The following CFAP299 variants were observed in gnomAD, a reference collection of about 807,000 sequenced individuals.
The protein encoded by CFAP299 is cilia- and flagella-associated protein 299.
Under a neutral mutation model 27.0 loss-of-function variants are expected in CFAP299, and 21 were observed. The observed-to-expected ratio is 0.78, with a 90% CI of 0.55 to 1.12. CFAP299 has a LOEUF of 1.12. CFAP299 is among the 50% of genes most tolerant of loss of function. CFAP299 has a pLI of 0.00. For missense variants in CFAP299, 310 were observed against 276.6 expected, an observed-to-expected ratio of 1.12 and a Z score of -0.86; for synonymous variants, 104 against 98.1, an observed-to-expected ratio of 1.06 and a Z score of -0.36.
intron 4 of CFAP299, among the ~76,000 whole-genome samples, chr4:80,885,113 G>C (rs1195042408): frequency 6.6e-6 from 1 of 152,144 alleles, no homozygotes; most frequent in Admixed American, 6.5e-5. Flanking sequence ...ACACGCAGCA[G>C]ATAATAAGGA....
intron 2 of CFAP299, among the ~76,000 whole-genome samples, chr4:80,384,606 A>G (rs566389620): frequency 1.3e-5 from 2 of 152,314 alleles, no homozygotes; most frequent in East Asian, 1.9e-4. Context: ...AAAAACACCT[A>G]TTTTAATGAT....
chr4:80,958,829 G>A (rs984903663), intron 5 of CFAP299, among the ~76,000 whole-genome samples: 14 of 152,266 alleles, frequency 9.2e-5, no homozygotes, highest in South Asian at 6.2e-4. Context: ...GCTTTGAGGT[G>A]TCAATACTTA....
At chr4:80,940,928 G>A (rs557607958) in intron 4 of CFAP299, among the ~76,000 whole-genome samples, 1 of 152,270 alleles carries the variant, frequency 6.6e-6, no homozygotes, top group African/African-American at 2.4e-5. Flanking sequence ...TCTGTAATGA[G>A]TAATAAAATG....
chr4:80,384,127 C>A (rs1724850019), intron 2 of CFAP299, among the ~76,000 whole-genome samples: 1 of 152,042 alleles, frequency 6.6e-6, no homozygotes, highest in South Asian at 2.1e-4. Context: ...TTTATATCTT[C>A]CTTTATCCAT....
intron 4 of CFAP299, among the ~76,000 whole-genome samples, chr4:80,927,083 A>G (rs1362404281): frequency 1.3e-5 from 2 of 152,070 alleles, no homozygotes; most frequent in Non-Finnish European, 2.9e-5. Flanking sequence ...CATATTTTCC[A>G]TATCATGTAC....
Position 80,362,760 on chromosome 4 carries a change from A to G in CFAP299, c.118A>G (p.Thr40Ala), listed in dbSNP as rs200676219. Residue 40 changes from threonine to alanine, a missense_variant, in exon 2 of 6, where the codon ACC becomes GCC. Coordinates refer to ENST00000358105, the MANE Select transcript of CFAP299 (RefSeq NM_152770.3). ...CAACTGATTTTCTCTCTAGGATGAA[A>G]CCCTGGCCCGCCAGTTGGTGGAGCT... ...TVDLYYLEDE[T>A]LARQLVELGY... is the part of the protein sequence containing the mutation. The G allele has an allele frequency of 2.6e-5, 41 of 1,604,078 alleles. No individual in the cohort carries two copies. The East Asian group carries it at 7.8e-4, about 31-fold the overall frequency.
At chr4:80,932,608 G>A (rs1457481630) in intron 4 of CFAP299, among the ~76,000 whole-genome samples, 4 of 152,022 alleles carry the variant, frequency 2.6e-5, no homozygotes, top group Non-Finnish European at 4.4e-5. Flanking sequence ...TTTTTCCACA[G>A]CAGGAAAATA....
At chr4:80,578,343 A>G (rs1249678337) in intron 2 of CFAP299, among the ~76,000 whole-genome samples, 1 of 152,158 alleles carries the variant, frequency 6.6e-6, no homozygotes, top group African/African-American at 2.4e-5. Context: ...TTCTTTTCCA[A>G]TATTTCCTCT....
chr4:80,663,555 T>C (rs1164284050), intron 3 of CFAP299, among the ~76,000 whole-genome samples: 1 of 152,230 alleles, frequency 6.6e-6, no homozygotes, highest in African/African-American at 2.4e-5. Flanking sequence ...TTTGGGTTGG[T>C]TCCAAGTCTT....
intron 3 of CFAP299, among the ~76,000 whole-genome samples, chr4:80,780,265 C>T (rs983424712): frequency 3.9e-5 from 6 of 152,082 alleles, no homozygotes; most frequent in African/African-American, 4.8e-5. Flanking sequence ...TGCCTCACCA[C>T]TCATTTGGGA....
chr4:80,571,217 T>TA (rs1260916297), intron 2 of CFAP299, among the ~76,000 whole-genome samples: 6 of 152,156 alleles, frequency 3.9e-5, no homozygotes, highest in African/African-American at 9.6e-5. Flanking sequence ...TTTTTGTTTT[T>TA]ATCTCAAAAT....
rs76361365 is a variant in CFAP299 at position 80,793,549 on chromosome 4, G to T, written c.334-76444G>T. Among the ~76,000 whole-genome samples, 1,337 of 152,098 alleles carry T rather than the reference G, an allele frequency of 8.8e-3. 18 individuals carry two copies. Among genetic ancestry groups the T allele is most frequent in the African/African-American group, 0.03 (1,264 of 41,498 alleles). ...CTTGTCAATTTGCCCCATACACATT[G>T]CCTGAGATCATACATAATCTTCAAA... On this transcript the variant is annotated intron_variant, in intron 3 of 5. Coordinates refer to ENST00000358105, the MANE Select transcript of CFAP299 (RefSeq NM_152770.3).
intron 3 of CFAP299, among the ~76,000 whole-genome samples, chr4:80,632,254 A>G (rs1201474103): frequency 6.6e-6 from 1 of 151,624 alleles, no homozygotes; most frequent in East Asian, 1.9e-4. Flanking sequence ...TTTTAAAAAC[A>G]ATTTGGTTTT....
At chr4:80,476,833 T>C (rs1480647117) in intron 2 of CFAP299, among the ~76,000 whole-genome samples, 1 of 152,104 alleles carries the variant, frequency 6.6e-6, no homozygotes, top group African/African-American at 2.4e-5. Context: ...TGGTCACCCC[T>C]TCACTGTCAG....
rs958398431 is a variant in CFAP299 at position 80,695,038 on chromosome 4, G to T, written c.333+111855G>T. 2.0e-5 allele frequency among the ~76,000 whole-genome samples: 3 copies of T among 152,176 alleles called. No homozygotes were observed. In the East Asian group the frequency reaches 5.8e-4, roughly 29 times the overall value. On this transcript the variant is annotated intron_variant, in intron 3 of 5. Coordinates refer to ENST00000358105, the MANE Select transcript of CFAP299 (RefSeq NM_152770.3). ...AAACCCTTTACACTCTGGTATTTTG[G>T]TATGCCTCATAGTAGCATCATTTTA...
intron 3 of CFAP299, among the ~76,000 whole-genome samples, chr4:80,652,375 T>C (rs1424554004): frequency 6.6e-6 from 1 of 152,028 alleles, no homozygotes; most frequent in South Asian, 2.1e-4. Context: ...ATGAAAAACA[T>C]AAATTTCAGA....
chr4:80,651,257 TC>T (rs1381789529), intron 3 of CFAP299, among the ~76,000 whole-genome samples: 2 of 148,998 alleles, frequency 1.3e-5, no homozygotes, highest in Non-Finnish European at 3.0e-5. Context: ...CTTCCTTCCT[TC>T]CTTTCTTTCT....
At chr4:80,947,971 C>A (rs1737560958) in intron 5 of CFAP299, among the ~76,000 whole-genome samples, 1 of 152,046 alleles carries the variant, frequency 6.6e-6, no homozygotes, top group Non-Finnish European at 1.5e-5. Context: ...CAATATTTTT[C>A]TTAGCAATTT....
intron 3 of CFAP299, among the ~76,000 whole-genome samples, chr4:80,736,890 A>G (rs928092680): frequency 6.6e-6 from 1 of 152,180 alleles, no homozygotes; most frequent in Non-Finnish European, 1.5e-5. Flanking sequence ...ATTATTCACA[A>G]TAGCAAAGAC....
Sources: gnomAD v4.1 joint callset for allele counts (sites outside exome capture counted in the v4.1 genomes callset) on GRCh38, gnomAD v4.1.1 for gene constraint, MANE v1.5 for transcripts, NCBI Gene and HGNC (gene_info 2026-07-23, HGNC 2026-07-21) for gene names.